The following ARMC2 variants were observed in gnomAD, a reference collection of about 807,000 sequenced individuals.
The protein encoded by ARMC2 is armadillo repeat-containing protein 2.
In ARMC2, 67 loss-of-function variants were observed where a neutral mutation model predicts 90.3. That is an observed-to-expected ratio of 0.74 (90% confidence interval 0.61 to 0.91). The LOEUF (loss-of-function observed/expected upper bound fraction) is 0.91, where lower values mean the gene tolerates loss of function less well. Ranked by LOEUF, ARMC2 falls within the 40% of genes least tolerant of loss-of-function variation. The pLI is 0.00. For synonymous variants in ARMC2, 393 were observed against 393.0 expected, an observed-to-expected ratio of 1.00 and a Z score of 0.00; for missense variants, 920 against 1,030.9, an observed-to-expected ratio of 0.89 and a Z score of 1.47.
chr6:109,022,411 C>CTT, the ARMC2 span, among the ~76,000 whole-genome samples: 95 of 65,884 alleles, frequency 1.4e-3, 7 homozygotes, highest in Non-Finnish European at 1.7e-3. Context: ...TGTTCTAAAG[C>CTT]TTTTTTTTTT....
intron 13 of ARMC2, among the ~76,000 whole-genome samples, chr6:108,956,206 G>T (rs1777571291): frequency 6.6e-6 from 1 of 152,184 alleles, no homozygotes; most frequent in Admixed American, 6.5e-5. Context: ...CTGGACTGGG[G>T]GCACATGGCT....
chr6:108,918,885 A>G (rs1774265229), intron 10 of ARMC2, among the ~76,000 whole-genome samples: 1 of 152,276 alleles, frequency 6.6e-6, no homozygotes, highest in African/African-American at 2.4e-5. Context: ...CCAAACCTGA[A>G]GCTTCAAAGA....
At chr6:108,880,119 C>A in intron 5 of ARMC2, 2 of 366,310 alleles carry the variant, frequency 5.5e-6, no homozygotes, top group Non-Finnish European at 5.3e-6. Flanking sequence ...ATCAATGAAA[C>A]AACAACAAAA....
chr6:109,009,597 GC>G, the ARMC2 span: 3 of 1,045,972 alleles, frequency 2.9e-6, no homozygotes, highest in Non-Finnish European at 3.5e-6. Context: ...GCGCGGCCCC[GC>G]CCCGCGCCCG....
At chr6:109,001,326 G>A in the ARMC2 span, 1 of 1,613,774 alleles carries the variant, frequency 6.2e-7, no homozygotes, top group Non-Finnish European at 8.5e-7. Flanking sequence ...AGGGGTAACG[G>A]CCCATCCATT....
intron 12 of ARMC2, among the ~76,000 whole-genome samples, chr6:108,946,424 G>A (rs139880552): frequency 1.3e-5 from 2 of 152,272 alleles, no homozygotes; most frequent in African/African-American, 4.8e-5. Context: ...TAAACACGTA[G>A]GCAAACTCTT....
intron 12 of ARMC2, among the ~76,000 whole-genome samples, chr6:108,945,116 T>C (rs775698643): frequency 3.9e-5 from 6 of 152,090 alleles, no homozygotes; most frequent in Non-Finnish European, 8.8e-5. Flanking sequence ...TGTGCACATA[T>C]TGTCTGCTTT....
chr6:108,960,950 C>T (rs541035018), intron 13 of ARMC2, among the ~76,000 whole-genome samples: 1 of 152,230 alleles, frequency 6.6e-6, no homozygotes, highest in Admixed American at 6.5e-5. Context: ...AACCAGACGA[C>T]GCAGTCTATT....
At chr6:108,923,740 A>T (rs1774835401) in intron 10 of ARMC2, among the ~76,000 whole-genome samples, 1 of 151,618 alleles carries the variant, frequency 6.6e-6, no homozygotes, top group Non-Finnish European at 1.5e-5. Context: ...GTCTCTCAAG[A>T]TACAGGGCCT....
In ARMC2 at chr6:108,973,672, T is replaced by A; in HGVS notation, c.*158T>A. ...TGAAGTATTTTTTAAAATTAAGCATTTCTTCTTGTTAGGTATTATGGAAAA... is the reference window on the plus strand; with the variant it reads ...TGAAGTATTTTTTAAAATTAAGCATATCTTCTTGTTAGGTATTATGGAAAA... On this transcript the variant is annotated 3_prime_UTR_variant, in exon 18 of 18. Coordinates refer to ENST00000392644, the MANE Select transcript of ARMC2 (RefSeq NM_032131.6). 1.5e-6 allele frequency: 1 copy of A among 650,830 alleles called. No homozygotes were observed. The highest frequency in any genetic ancestry group is 2.5e-6 in the Non-Finnish European group (1 of 404,780). The allele number at this position is 650,830 out of a possible 1,614,324, so 40.3% of individuals were successfully genotyped here. A position where few individuals can be genotyped will look rare whatever the true frequency, so the allele number is the denominator to read the frequency against.
At chr6:108,915,249 C>T (rs1223959764) in intron 10 of ARMC2, among the ~76,000 whole-genome samples, 1 of 152,132 alleles carries the variant, frequency 6.6e-6, no homozygotes, top group Admixed American at 6.5e-5. Flanking sequence ...AGTTACTGTG[C>T]CTGGCCAGGA....
At chr6:109,005,913 A>G in the ARMC2 span, among the ~76,000 whole-genome samples, 1 of 152,210 alleles carries the variant, frequency 6.6e-6, no homozygotes, top group East Asian at 1.9e-4. Flanking sequence ...AATTTCTCAG[A>G]AGTAGCAGAG....
intron 12 of ARMC2, among the ~76,000 whole-genome samples, chr6:108,940,857 C>T (rs1290072034): frequency 4.6e-5 from 7 of 152,134 alleles, no homozygotes; most frequent in Admixed American, 3.3e-4. Flanking sequence ...ATAAGCCAGG[C>T]GTGGTGGTGC....
the ARMC2 span, chr6:109,001,525 T>C: frequency 6.4e-7 from 1 of 1,571,840 alleles, no homozygotes; most frequent in Non-Finnish European, 8.7e-7. Context: ...ACTGAAATGG[T>C]AAATTGGTGT....
chr6:108,887,330 G>A (rs1426336256), intron 5 of ARMC2, among the ~76,000 whole-genome samples: 3 of 152,194 alleles, frequency 2.0e-5, no homozygotes, highest in African/African-American at 2.4e-5. Flanking sequence ...AAGTCAGTCC[G>A]TGTGTAGCAG....
chr6:108,993,570 C>A, the ARMC2 span, among the ~76,000 whole-genome samples: 83 of 152,140 alleles, frequency 5.5e-4, no homozygotes, highest in South Asian at 1.9e-3. Flanking sequence ...GCTCTTTCTC[C>A]CACTCTATTA....
the ARMC2 span, among the ~76,000 whole-genome samples, chr6:109,029,679 G>A: frequency 6.6e-6 from 1 of 152,200 alleles, no homozygotes; most frequent in South Asian, 2.1e-4. Flanking sequence ...TTTAACAGGT[G>A]CATGCCACCA....
In ARMC2 at chr6:108,884,519, G is replaced by A. The variant is rs142904937; in HGVS notation, c.671+8169G>A. Among the ~76,000 whole-genome samples the A allele has an allele frequency of 3.3e-3, 502 of 152,254 alleles. 4 individuals carry two copies. Among genetic ancestry groups the A allele is most frequent in the African/African-American group, 0.012 (478 of 41,554 alleles). On this transcript the variant is annotated intron_variant, in intron 5 of 17. Coordinates refer to ENST00000392644, the MANE Select transcript of ARMC2 (RefSeq NM_032131.6). ...CAAGGGAAAATTCCTAGAGTAGTTG[G>A]GATTTGGGGGTGCATTTTGAAGGTT... is the stretch of plus-strand genomic sequence containing the variant.
At chr6:108,964,734 G>A (rs1489143570) in intron 16 of ARMC2, among the ~76,000 whole-genome samples, 1 of 151,880 alleles carries the variant, frequency 6.6e-6, no homozygotes, top group East Asian at 1.9e-4. Flanking sequence ...AGGTTGCGGT[G>A]AGCCGAGATC....
Sources: gnomAD v4.1 joint callset for allele counts (sites outside exome capture counted in the v4.1 genomes callset) on GRCh38, gnomAD v4.1.1 for gene constraint, MANE v1.5 for transcripts, NCBI Gene and HGNC (gene_info 2026-07-23, HGNC 2026-07-21) for gene names.